ERICH3: variants seen among roughly 807,000 people sequenced by gnomAD.
The protein encoded by ERICH3 is glutamate-rich protein 3.
In ERICH3, 126 loss-of-function variants were observed where a neutral mutation model predicts 131.1. The observed-to-expected ratio is 0.96, with a 90% CI of 0.83 to 1.11. The LOEUF is 1.11. Among genes scored for constraint, ERICH3 ranks in the 50% most tolerant of loss-of-function variants. The probability of loss-of-function intolerance (pLI) is 0.00; values close to 1 mark genes in which losing one functional copy is unlikely to be tolerated. For missense variants in ERICH3, 2,050 were observed against 1,810.7 expected, an observed-to-expected ratio of 1.13 and a Z score of -2.40; for synonymous variants, 695 against 644.6, an observed-to-expected ratio of 1.08 and a Z score of -1.18.
At chr1:74,575,984 A>T (rs1273691300) in intron 13 of ERICH3, among the ~76,000 whole-genome samples, 4 of 152,216 alleles carry the variant, frequency 2.6e-5, no homozygotes, top group Non-Finnish European at 5.9e-5. Flanking sequence ...GAGAGCAAAC[A>T]ATATTCACAA....
Position 74,589,667 on chromosome 1 carries a change from C to T in ERICH3, c.2140G>A (p.Asp714Asn), listed in dbSNP as rs1179296110. The change falls in exon 12 of 15, where the codon GAC (aspartate) becomes AAC (asparagine). Residue 714 changes from aspartate to asparagine, a missense_variant. By Grantham distance (23) the Asp-to-Asn change is conservative. Transcript: ENST00000326665. ...AACCCAGGGAGACCTGCCTTTTTGT[C>T]CTTCACCTGAGCAGTGCTTTCTTCC... Reference protein sequence around the residue: ...LWEESTAQVKDKKAGLPGLEE... With the variant: ...LWEESTAQVKNKKAGLPGLEE... 2 of 1,613,738 alleles carry T rather than the reference C, an allele frequency of 1.2e-6. No individual in the cohort carries two copies. Among genetic ancestry groups the T allele is most frequent in the Admixed American group, 1.7e-5 (1 of 59,944 alleles).
At chr1:74,673,470 C>A (rs1171452591) in intron 1 of ERICH3, 27 bp downstream of exon 1, 3 of 1,610,534 alleles carry the variant, frequency 1.9e-6, no homozygotes, top group African/African-American at 1.3e-5. Flanking sequence ...CCTGCCACAG[C>A]GTGGAAAAGC....
chr1:74,599,025 A>C (rs1447061350), intron 11 of ERICH3, among the ~76,000 whole-genome samples: 3 of 151,988 alleles, frequency 2.0e-5, no homozygotes, highest in Admixed American at 2.0e-4. Flanking sequence ...TGCACAGTTA[A>C]ACTGAAAAAA....
In ERICH3 at chr1:74,572,783, C is replaced by G; in HGVS notation, c.2927G>C (p.Gly976Ala). 1.9e-6 allele frequency: 3 copies of G among 1,613,920 alleles called. No individual in the cohort carries two copies. The highest frequency in any genetic ancestry group is 1.7e-6 in the Non-Finnish European group (2 of 1,179,982). ...REDGSEEAIL[G>A]GEEPAKERKE... ...TCTCTCTTTGGCTGGTTCCTCTCCC[C>G]CAAGAATTGCCTCTTCAGAACCGTC... The change falls in exon 14 of 15, where the codon GGG becomes GCG. Residue 976 changes from glycine to alanine, a missense_variant. Physicochemically the swap from Gly to Ala is moderately conservative, Grantham distance 60. Transcript: ENST00000326665.
In ERICH3 at chr1:74,571,246, C is replaced by A. The variant is rs1471619699; in HGVS notation, c.4464G>T (p.Pro1488=). 1 of 1,614,090 alleles carries A rather than the reference C, an allele frequency of 6.2e-7. No individual in the cohort carries two copies. Among genetic ancestry groups the A allele is most frequent in the Non-Finnish European group, 8.5e-7 (1 of 1,180,014 alleles). The change falls in exon 14 of 15, where the codon CCG becomes CCT. Residue 1488 remains proline, a synonymous_variant. Transcript: ENST00000326665. ...GTGTTGCCATCGCCTGTAGACTCTC[C>A]GGACTCAATTCCCTCTCTCCCTCCC... ...LSREGERELS[P]ESLQAMATLP... is the part of the protein sequence containing the mutation.
In ERICH3 at chr1:74,606,649, G is replaced by A. The variant is rs866159187; in HGVS notation, c.1441C>T (p.Pro481Ser). The A allele has an allele frequency of 2.5e-6, 4 of 1,611,992 alleles. No individual in the cohort carries two copies. The highest frequency in any genetic ancestry group is 1.3e-5 in the African/African-American group (1 of 74,678). ...TCGTCTTCCAAGACTTCTTGTCCTG[G>A]TTTTCCTTTACTTGTCATTTCCTCC... is the stretch of plus-strand genomic sequence containing the variant. Reference protein sequence around the residue: ...AVEEMTSKGKPGQEVLEDDQE... With the variant: ...AVEEMTSKGKSGQEVLEDDQE... Residue 481 changes from proline to serine, a missense_variant, in exon 10 of 15, where the codon CCA becomes TCA. Coordinates refer to ENST00000326665, the MANE Select transcript of ERICH3 (RefSeq NM_001002912.5).
At chr1:74,588,070 T>C (rs536477784) in intron 12 of ERICH3, among the ~76,000 whole-genome samples, 158 of 152,308 alleles carry the variant, frequency 1.0e-3, no homozygotes, top group Non-Finnish European at 1.6e-3. Flanking sequence ...GTTTGGCCCC[T>C]GGGCCAAAGT....
At chr1:74,640,820 T>TA (rs1646431339) in intron 5 of ERICH3, among the ~76,000 whole-genome samples, 1 of 152,070 alleles carries the variant, frequency 6.6e-6, no homozygotes, top group Non-Finnish European at 1.5e-5. Flanking sequence ...TTTAGCCCAA[T>TA]ATGCTACATG....
chr1:74,604,927 G>A (rs529999157), intron 10 of ERICH3, among the ~76,000 whole-genome samples: 1 of 152,044 alleles, frequency 6.6e-6, no homozygotes, highest in South Asian at 2.1e-4. Flanking sequence ...CCTATCCTTT[G>A]AAGCTTTGAA....
At chr1:74,626,916 G>GCA (rs1649436911) in intron 7 of ERICH3, among the ~76,000 whole-genome samples, 1 of 152,184 alleles carries the variant, frequency 6.6e-6, no homozygotes, top group Non-Finnish European at 1.5e-5. Context: ...TCATAGAGGA[G>GCA]CAGGTGGTGG....
chr1:74,600,053 C>CT, intron 10 of ERICH3, 122 bp from the exon 11 acceptor site: 1 of 686,180 alleles, frequency 1.5e-6, no homozygotes. Flanking sequence ...TTTGCTTCTT[C>CT]TTTTTCGTTC....
At chr1:74,579,497 T>C (rs1027343656) in intron 12 of ERICH3, 4 of 985,208 alleles carry the variant, frequency 4.1e-6, no homozygotes, top group Middle Eastern at 5.2e-4. Context: ...GGATTAGCCT[T>C]CGGAAGTAGA....
intron 12 of ERICH3, chr1:74,586,372 C>T (rs1198020375): frequency 1.0e-6 from 1 of 960,456 alleles, no homozygotes; most frequent in Non-Finnish European, 1.2e-6. Flanking sequence ...ATATCTATAC[C>T]TATCTACCTA....
At position 74,571,190 on chromosome 1, in the gene ERICH3, C is replaced by T. The variant is rs762200675; in HGVS notation, c.4520G>A (p.Arg1507Gln). 1.2e-6 allele frequency: 2 copies of T among 1,614,106 alleles called. No homozygotes were observed. The highest frequency in any genetic ancestry group is 1.7e-6 in the Non-Finnish European group (2 of 1,179,998). The change falls in exon 14 of 15, where the codon CGA (arginine) becomes CAA (glutamine). Residue 1507 changes from arginine to glutamine, a missense_variant. Arg to Gln is a conservative substitution (Grantham distance 43). Transcript: ENST00000326665. The part of the protein sequence containing the change: ...LPVKPDFTET[R>Q]EKQQHMVQGE... The stretch of plus-strand genomic sequence containing the variant: ...TTGCACCATATGCTGTTGCTTCTCT[C>T]GGGTTTCAGTGAAATCAGGCTTCAC...
chr1:74,670,241 A>G (rs1646728468), intron 1 of ERICH3, among the ~76,000 whole-genome samples: 1 of 152,178 alleles, frequency 6.6e-6, no homozygotes, highest in African/African-American at 2.4e-5. Context: ...AGATACTTAC[A>G]TGCAGCCATC....
intron 4 of ERICH3, 63 bp from the exon 5 acceptor site, chr1:74,641,522 T>C (rs1646437664): frequency 6.6e-7 from 1 of 1,516,938 alleles, no homozygotes; most frequent in Admixed American, 2.0e-5. Flanking sequence ...AGATTATGCA[T>C]GACATGTGCG....
chr1:74,657,672 C>G (rs979018325), intron 1 of ERICH3, among the ~76,000 whole-genome samples: 9 of 152,064 alleles, frequency 5.9e-5, no homozygotes, highest in African/African-American at 1.9e-4. Context: ...AAAAACAAGA[C>G]TGGTCTCCAA....
rs753593701 is a variant in ERICH3, at chr1:74,606,799, C to A, written c.1291G>T (p.Val431Leu). 1.9e-6 allele frequency: 3 copies of A among 1,613,344 alleles called. No individual in the cohort carries two copies. The highest frequency in any genetic ancestry group is 1.7e-4 in the Middle Eastern group (1 of 6,060). ...ATCACATACTCTCTCTCTTTCCTCA[C>A]TTTCCCCTCAGCCTTCTTCAGTTCC... The part of the protein sequence containing the change: ...GEELKKAEGK[V>L]RKEREYVIPK... The change falls in exon 10 of 15, where the codon GTG becomes TTG. Residue 431 changes from valine (V) to leucine (L), a missense_variant. Coordinates refer to ENST00000326665, the MANE Select transcript of ERICH3 (RefSeq NM_001002912.5).
chr1:74,595,976 T>C (rs1557675420), intron 11 of ERICH3, among the ~76,000 whole-genome samples: 1 of 152,034 alleles, frequency 6.6e-6, no homozygotes, highest in Non-Finnish European at 1.5e-5. Context: ...AGTCCAACGG[T>C]GCGTCTCACA....
Sources: allele counts gnomAD v4.1 joint callset (sites outside exome capture counted in the v4.1 genomes callset), GRCh38; gene constraint gnomAD v4.1.1; transcripts MANE v1.5; gene names NCBI Gene and HGNC (gene_info 2026-07-23, HGNC 2026-07-21).